Variants in SORL1 observed in about 807,000 individuals in gnomAD.
SORL1 encodes sortilin-related receptor.
Under a neutral mutation model 273.7 loss-of-function variants are expected in SORL1, and 127 were observed. The observed-to-expected ratio is 0.46, with a 90% confidence interval of 0.40 to 0.54. SORL1 has a LOEUF of 0.54. Ranked by LOEUF, SORL1 falls within the 20% of genes least tolerant of loss-of-function variation. SORL1 has a pLI of 0.00. For missense variants in SORL1, 2,494 were observed against 2,846.1 expected (o/e 0.88, Z 2.81); for synonymous variants, 1,031 against 1,067.4 (o/e 0.97, Z 0.66).
chr11:121,537,480 A>G (rs1297999622), intron 12 of SORL1, among the ~76,000 whole-genome samples: 1 of 152,170 alleles, frequency 6.6e-6, no homozygotes, highest in South Asian at 2.1e-4. Context: ...AGGCAGAGGT[A>G]AAGGAGTAGG....
In SORL1 at chr11:121,470,017, A is replaced by G. The variant is rs766916904; in HGVS notation, c.296A>G (p.Asn99Ser). The G allele has an allele frequency of 1.1e-5, 17 of 1,612,636 alleles. No individual in the cohort carries two copies. The East Asian group carries it at 2.9e-4, about 27-fold the overall frequency. ...PIKVYGQVSL[N>S]DSHNQMVVHW... is the part of the protein sequence containing the mutation. ...ATTGATCTCTTTCAGGTTAGTCTGA[A>G]TGATTCCCACAATCAGATGGTGGTG... Residue 99 changes from asparagine (N) to serine (S), a missense_variant, in exon 2 of 48, where the codon AAT (asparagine) becomes AGT (serine). Coordinates refer to ENST00000260197, the MANE Select transcript of SORL1 (RefSeq NM_003105.6).
At chr11:121,490,190 C>A (rs1210026581) in intron 5 of SORL1, 80 bp downstream of exon 5, 32 of 934,370 alleles carry the variant, frequency 3.4e-5, no homozygotes, top group Non-Finnish European at 1.2e-5. Context: ...GGACAAACTG[C>A]CCTCCCCTGA....
chr11:121,473,637 G>C (rs562628928), intron 2 of SORL1, among the ~76,000 whole-genome samples: 1 of 152,310 alleles, frequency 6.6e-6, no homozygotes, highest in South Asian at 2.1e-4. Context: ...GCTCATGCCT[G>C]TAATCCTAGC....
chr11:121,551,664 C>T (rs934796976), intron 16 of SORL1, among the ~76,000 whole-genome samples: 3 of 152,138 alleles, frequency 2.0e-5, no homozygotes, highest in Admixed American at 1.3e-4. Context: ...CCATAAGCAC[C>T]GAATGAATCA....
At position 121,605,584 on chromosome 11, in the gene SORL1, G is replaced by C; in HGVS notation, c.4948+13G>C. 6.2e-7 allele frequency: 1 copy of C among 1,607,276 alleles called. No homozygotes were observed. The highest frequency in any genetic ancestry group is 2.2e-5 in the East Asian group (1 of 44,678). On this transcript the variant is annotated intron_variant, in intron 35 of 47. Coordinates refer to ENST00000260197, the MANE Select transcript of SORL1 (RefSeq NM_003105.6). ...ACCCCAGAGGGATGTAAGTGTTTCA[G>C]TTAATTTTTATGGCATGGGTAAGAC... is the stretch of plus-strand genomic sequence containing the variant.
intron 1 of SORL1, among the ~76,000 whole-genome samples, chr11:121,468,083 C>T (rs970262988): frequency 2.0e-5 from 3 of 152,134 alleles, no homozygotes; most frequent in African/African-American, 7.2e-5. Flanking sequence ...TCTGAGAGCA[C>T]CTCAAGGAGT....
chr11:121,522,671 A>G lies in SORL1; in HGVS notation c.1490A>G (p.Lys497Arg). The part of the protein sequence containing the change: ...LQLRRMPILS[K>R]ESAPGLIIAT... ...CTCCGGAGAATGCCCATCCTGTCCA[A>G]GGAGTCGGCTCCAGGCCTCATCATC... Residue 497 changes from lysine (K) to arginine (R), a missense_variant, in exon 10 of 48, where the codon AAG (lysine) becomes AGG (arginine). Lys to Arg is a conservative substitution (Grantham distance 26). Transcript: ENST00000260197. 1.2e-6 allele frequency: 2 copies of G among 1,614,100 alleles called. No homozygotes were observed. The highest frequency in any genetic ancestry group is 2.2e-5 in the South Asian group (2 of 91,080).
At chr11:121,476,472 C>T (rs1271838201) in intron 2 of SORL1, among the ~76,000 whole-genome samples, 2 of 152,124 alleles carry the variant, frequency 1.3e-5, no homozygotes, top group Non-Finnish European at 2.9e-5. Context: ...CTCTCTGTTC[C>T]CTTTCTACAT....
chr11:121,498,031 A>T (rs566151091), intron 6 of SORL1, among the ~76,000 whole-genome samples: 1 of 152,336 alleles, frequency 6.6e-6, no homozygotes, highest in East Asian at 1.9e-4. Context: ...TAAGGACAGA[A>T]TGAGAAGAGA....
chr11:121,538,100 T>A (rs559385359), intron 12 of SORL1, among the ~76,000 whole-genome samples: 32 of 152,274 alleles, frequency 2.1e-4, no homozygotes, highest in African/African-American at 7.7e-4. Context: ...TTTGTCTTCA[T>A]GATTCTGAAC....
intron 12 of SORL1, among the ~76,000 whole-genome samples, chr11:121,533,741 T>G (rs191151808): frequency 1.1e-4 from 16 of 152,314 alleles, no homozygotes; most frequent in Non-Finnish European, 2.1e-4. Context: ...TGTTTTTTTT[T>G]CCCTGTGGTT....
At chr11:121,531,254 C>G (rs910449439) in intron 11 of SORL1, among the ~76,000 whole-genome samples, 2 of 152,072 alleles carry the variant, frequency 1.3e-5, no homozygotes, top group Non-Finnish European at 2.9e-5. Flanking sequence ...ATGAGCTGGG[C>G]GTGGTGGTGC....
In SORL1 at chr11:121,570,287, G is replaced by A; in HGVS notation, c.3337+17G>A. On this transcript the variant is annotated intron_variant, in intron 23 of 47. Coordinates refer to ENST00000260197, the MANE Select transcript of SORL1 (RefSeq NM_003105.6). ...GAAACTGCCGTGAGTCTTCTGGATT[G>A]GACGTTAAGCACTTACCATTACTCA... 1 of 1,582,788 alleles carries A rather than the reference G, an allele frequency of 6.3e-7. No homozygotes were observed. The highest frequency in any genetic ancestry group is 8.7e-7 in the Non-Finnish European group (1 of 1,151,692).
chr11:121,566,920 G>A lies in SORL1; in HGVS notation c.3050-20G>A, dbSNP rs746563947. 1.2e-6 allele frequency: 2 copies of A among 1,608,600 alleles called. No homozygotes were observed. The highest frequency in any genetic ancestry group is 1.7e-5 in the Admixed American group (1 of 59,346). On this transcript the variant is annotated intron_variant, in intron 21 of 47. Coordinates refer to ENST00000260197, the MANE Select transcript of SORL1 (RefSeq NM_003105.6). ...CATGGTGTGTATTAACCTACCTGCT[G>A]CTGTTTGTCTTCCCTCCAGGAAGCA...
In SORL1 at chr11:121,563,804, G is replaced by A. The variant is rs1255243197; in HGVS notation, c.3050-3136G>A. Among the ~76,000 whole-genome samples, 2 of 152,166 alleles carry A rather than the reference G, an allele frequency of 1.3e-5. No homozygotes were observed. Among genetic ancestry groups the A allele is most frequent in the Non-Finnish European group, 2.9e-5 (2 of 68,030 alleles). On this transcript the variant is annotated intron_variant, in intron 21 of 47. Coordinates refer to ENST00000260197, the MANE Select transcript of SORL1 (RefSeq NM_003105.6). The surrounding 1 kb of genome is among the most constrained non-coding windows in gnomAD (Gnocchi z 4.2). ...TGTTGATGTATTCAGTTGCTCCTGCGATGGCTCTTGGAGCTTTGGAATTCT... is the reference window on the plus strand; with the variant it reads ...TGTTGATGTATTCAGTTGCTCCTGCAATGGCTCTTGGAGCTTTGGAATTCT...
At chr11:121,593,768 G>A (rs1371080466) in intron 31 of SORL1, among the ~76,000 whole-genome samples, 1 of 152,054 alleles carries the variant, frequency 6.6e-6, no homozygotes, top group African/African-American at 2.4e-5. Flanking sequence ...GTATACCTGG[G>A]GCACAACTGC....
chr11:121,507,090 T>C (rs1227831968), intron 6 of SORL1, among the ~76,000 whole-genome samples: 1 of 152,212 alleles, frequency 6.6e-6, no homozygotes, highest in Non-Finnish European at 1.5e-5. Context: ...TATATAGCTT[T>C]ATTGTGTCCC....
At chr11:121,472,511 G>A (rs982146988) in intron 2 of SORL1, among the ~76,000 whole-genome samples, 10 of 152,076 alleles carry the variant, frequency 6.6e-5, no homozygotes, top group African/African-American at 2.4e-4. Flanking sequence ...GTGGTATTAG[G>A]GTGACCAACT....
At chr11:121,597,110 C>T (rs913469376) in intron 32 of SORL1, among the ~76,000 whole-genome samples, 1 of 152,192 alleles carries the variant, frequency 6.6e-6, no homozygotes, top group African/African-American at 2.4e-5. Context: ...TTCAGAGGTG[C>T]CCTGTCTGAT....
Sources: gnomAD v4.1 joint callset for allele counts (sites outside exome capture counted in the v4.1 genomes callset) on GRCh38, gnomAD v4.1.1 for gene constraint, Gnocchi (gnomAD v3.1) non-coding constraint, MANE v1.5 for transcripts, NCBI Gene and HGNC (gene_info 2026-07-23, HGNC 2026-07-21) for gene names.